The following TPM1 variants were observed in gnomAD, a reference collection of about 807,000 sequenced individuals.
TPM1 encodes tropomyosin 1.
TPM1 carries 24 observed loss-of-function variants against 42.9 expected under a neutral mutation model. The ratio of observed to expected loss-of-function variants is 0.56; its 90% CI spans 0.41 to 0.79. TPM1 has a LOEUF of 0.79. TPM1 is among the 30% of genes least tolerant of loss of function. TPM1 has a pLI of 0.00. For missense variants in TPM1, 158 were observed against 351.8 expected, an observed-to-expected ratio of 0.45 and a Z score of 4.41; for synonymous variants, 136 against 130.1, an observed-to-expected ratio of 1.05 and a Z score of -0.31.
At chr15:63,059,515 G>A in intron 3 of TPM1, 48 bp from the exon 4 acceptor site, 1 of 1,483,514 alleles carries the variant, frequency 6.7e-7, no homozygotes, top group Admixed American at 1.7e-5. Flanking sequence ...GTGCATTTGG[G>A]AAGTTCAGCT....
chr15:63,064,575 G>T, intron 9 of TPM1: 1 of 1,045,982 alleles, frequency 9.6e-7, no homozygotes, highest in South Asian at 3.2e-5. Context: ...AACCCTTAAA[G>T]TGTCAGGTTA....
chr15:63,064,824 G>A (rs1277779984), intron 9 of TPM1: 10 of 524,598 alleles, frequency 1.9e-5, no homozygotes, highest in Non-Finnish European at 2.2e-5. Context: ...AAAATTAGCC[G>A]GGCGTGGTGG....
downstream of TPM1, among the ~76,000 whole-genome samples, chr15:63,067,946 CAG>C (rs1299494643): frequency 6.6e-6 from 1 of 152,238 alleles, no homozygotes; most frequent in African/African-American, 2.4e-5. Context: ...TGAAGCAGAG[CAG>C]ATCCAGAGGA....
At chr15:63,061,158 T>A (rs2140956132) in intron 5 of TPM1, 1 of 1,603,714 alleles carries the variant, frequency 6.2e-7, no homozygotes, top group Non-Finnish European at 8.5e-7. Flanking sequence ...GCACACTGAT[T>A]TTGTGAATGG....
chr15:63,070,228 TGAG>T (rs927948400), downstream of TPM1: 6 of 1,196,088 alleles, frequency 5.0e-6, no homozygotes, highest in Non-Finnish European at 6.3e-6. Flanking sequence ...TGATAAATAA[TGAG>T]GAGCCCCCCC....
chr15:63,052,393 C>T (rs924931895), intron 2 of TPM1, among the ~76,000 whole-genome samples: 9 of 152,254 alleles, frequency 5.9e-5, no homozygotes, highest in South Asian at 4.2e-4. Context: ...CATGGTGTCA[C>T]GTGCCTGTAA....
chr15:63,048,787 C>G (rs1349954023), intron 2 of TPM1: 4 of 1,492,052 alleles, frequency 2.7e-6, no homozygotes, highest in African/African-American at 2.9e-5. Flanking sequence ...CCTGCTTCCC[C>G]CCCCGCAGGC....
At chr15:63,043,977 G>A (rs1438598936) in intron 1 of TPM1, 50 bp from the exon 2 acceptor site, 1 of 1,594,748 alleles carries the variant, frequency 6.3e-7, no homozygotes, top group African/African-American at 1.3e-5. Flanking sequence ...TCGGGATCAC[G>A]CTGCCTGCTG....
At position 63,061,171 on chromosome 15, in the gene TPM1, T is replaced by G. The variant is rs2035569301; in HGVS notation, c.563+232T>G. ...CTGCACACTGATTTTGTGAATGGCC[T>G]TGTGCATTTCCTGTGTCCACTAACA... is the stretch of plus-strand genomic sequence containing the variant. On this transcript the variant is annotated intron_variant, in intron 5 of 9. Coordinates refer to ENST00000403994, the MANE Select transcript of TPM1 (RefSeq NM_001018005.2). 3.7e-6 allele frequency: 6 copies of G among 1,611,426 alleles called. No homozygotes were observed. The South Asian group carries it at 5.5e-5, about 15-fold the overall frequency.
chr15:63,067,965 C>T (rs576548989), downstream of TPM1, among the ~76,000 whole-genome samples: 6 of 152,350 alleles, frequency 3.9e-5, no homozygotes, highest in East Asian at 1.9e-4. Context: ...AGGAGGCTGT[C>T]GGAGGGACCA....
chr15:63,048,439 G>A, intron 2 of TPM1: 1 of 1,352,340 alleles, frequency 7.4e-7, no homozygotes. Flanking sequence ...GGCCGCAGGG[G>A]GCGCCGCCAT....
intron 2 of TPM1, 66 bp from the exon 3 acceptor site, chr15:63,056,919 C>A: frequency 1.2e-6 from 2 of 1,609,198 alleles, no homozygotes; most frequent in East Asian, 2.2e-5. Flanking sequence ...GCAGTCCCAG[C>A]CATTTCCTGA....
At chr15:63,059,714 C>G in intron 4 of TPM1, 34 bp downstream of exon 4, 1 of 1,468,160 alleles carries the variant, frequency 6.8e-7, no homozygotes, top group Non-Finnish European at 9.5e-7. Context: ...TTGTGGACAC[C>G]CAGCAGTGGC....
At chr15:63,048,120 G>C (rs1276071758) in intron 2 of TPM1, 2 of 424,352 alleles carry the variant, frequency 4.7e-6, no homozygotes, top group Non-Finnish European at 9.3e-6. Context: ...ACTCGGGAGC[G>C]GAGCGCTCCC....
chr15:63,064,189 A>C, intron 9 of TPM1, 47 bp downstream of exon 9: 1 of 1,597,048 alleles, frequency 6.3e-7, no homozygotes, highest in Non-Finnish European at 8.5e-7. Flanking sequence ...CCTCATGCTA[A>C]TGTAATAAAC....
At chr15:63,067,495 GC>G (rs2036346687), downstream of TPM1, among the ~76,000 whole-genome samples, 4 of 152,122 alleles carry the variant, frequency 2.6e-5, no homozygotes, top group Admixed American at 2.6e-4. Flanking sequence ...TAGACAAAAT[GC>G]CAAGTCTGAA....
At chr15:63,053,400 G>T (rs1438928380) in intron 2 of TPM1, among the ~76,000 whole-genome samples, 1 of 152,138 alleles carries the variant, frequency 6.6e-6, no homozygotes, top group African/African-American at 2.4e-5. Context: ...GTTCCGGGAA[G>T]CCAGGAGAAG....
intron 2 of TPM1, among the ~76,000 whole-genome samples, chr15:63,049,692 G>A (rs1380251187): frequency 6.6e-6 from 1 of 152,220 alleles, no homozygotes; most frequent in African/African-American, 2.4e-5. Context: ...GTAAATGGCT[G>A]TATGGCTGGC....
At chr15:63,043,343 G>A (rs2031598087) in intron 1 of TPM1, 2 of 555,482 alleles carry the variant, frequency 3.6e-6, no homozygotes, top group Admixed American at 2.2e-5. Context: ...TGGGGAGAAA[G>A]GAACCTTAAA....
Sources: allele counts gnomAD v4.1 joint callset (sites outside exome capture counted in the v4.1 genomes callset), GRCh38; gene constraint gnomAD v4.1.1; transcripts MANE v1.5; gene names NCBI Gene and HGNC (gene_info 2026-07-23, HGNC 2026-07-21).